Variants in AP5Z1 observed in about 807,000 individuals in gnomAD.
AP5Z1 encodes the protein adaptor related protein complex 5 subunit zeta 1, also known as AP-5 complex subunit zeta-1.
A neutral mutation model predicts 83.0 loss-of-function variants in AP5Z1; 106 were observed. That is an observed-to-expected ratio of 1.28 (90% CI 1.09 to 1.50). The LOEUF is 1.50. Ranked by LOEUF, AP5Z1 falls within the 40% of genes most tolerant of loss-of-function variation. The probability of loss-of-function intolerance (pLI) is 0.00; values close to 1 mark genes in which losing one functional copy is unlikely to be tolerated. For synonymous variants in AP5Z1, 751 were observed against 514.1 expected, an observed-to-expected ratio of 1.46 and a Z score of -6.23; for missense variants, 1,565 against 1,094.2, an observed-to-expected ratio of 1.43 and a Z score of -6.07.
At chr7:4,783,528 G>T in intron 4 of AP5Z1, 68 bp downstream of exon 4, 4 of 1,585,598 alleles carry the variant, frequency 2.5e-6, no homozygotes, top group Non-Finnish European at 3.4e-6. Flanking sequence ...GAGGGCCCAT[G>T]GTGGGTTGGG....
chr7:4,785,019 G>T lies in AP5Z1; in HGVS notation c.902G>T (p.Cys301Phe), dbSNP rs1390205942. ...CTTCGGGAGGTGGCCTTCGAGTACT[G>T]CCAGCGCCTCATTGAGCAAAGTAAC... Reference protein sequence around the residue: ...ERLREVAFEYCQRLIEQSNRR... With the variant: ...ERLREVAFEYFQRLIEQSNRR... The change falls in exon 7 of 17, where the codon TGC becomes TTC. Residue 301 changes from cysteine (C) to phenylalanine (F), a missense_variant. Cys to Phe is a radical substitution (Grantham distance 205). Coordinates refer to ENST00000649063, the MANE Select transcript of AP5Z1 (RefSeq NM_014855.3). The T allele has an allele frequency of 6.2e-7, 1 of 1,608,862 alleles. No individual in the cohort carries two copies. The highest frequency in any genetic ancestry group is 1.1e-5 in the South Asian group (1 of 90,834).
intron 3 of AP5Z1, 66 bp from the exon 4 acceptor site, chr7:4,783,249 TC>T: frequency 6.7e-7 from 1 of 1,493,940 alleles, no homozygotes; most frequent in Non-Finnish European, 9.0e-7. Context: ...CACACAGACT[TC>T]CGAAATGGGG....
At position 4,788,967 on chromosome 7, in the gene AP5Z1, G is replaced by A. The variant is rs1447307746; in HGVS notation, c.1707+16G>A. ...AGTGACCCAGGTGAGCTCGCTGCCTGGGGCCCCCCATTCCCACAGGCCTCA... is the reference window on the plus strand; with the variant it reads ...AGTGACCCAGGTGAGCTCGCTGCCTAGGGCCCCCCATTCCCACAGGCCTCA... On this transcript the variant is annotated intron_variant, in intron 13 of 16. Transcript: ENST00000649063. 5.6e-6 allele frequency: 9 copies of A among 1,603,780 alleles called. No individual in the cohort carries two copies. The highest frequency in any genetic ancestry group is 2.7e-5 in the African/African-American group (2 of 74,720).
Position 4,783,400 on chromosome 7 carries a change from A to G in AP5Z1, c.451A>G (p.Arg151Gly). ...CCGGCAGCCTGAGGGACCCAGCCTC[A>G]GACACCTCCTCCCCGTCATGGCCAA... ...ESRQPEGPSL[R>G]HLLPVMAKVV... Residue 151 changes from arginine to glycine, a missense_variant, in exon 4 of 17, where the codon AGA becomes GGA. By Grantham distance (125) the Arg-to-Gly change is moderately radical (BLOSUM62 -2). Coordinates refer to ENST00000649063, the MANE Select transcript of AP5Z1 (RefSeq NM_014855.3). 6.2e-7 allele frequency: 1 copy of G among 1,613,212 alleles called. No homozygotes were observed. The highest frequency in any genetic ancestry group is 1.7e-5 in the Admixed American group (1 of 60,012).
Position 4,781,263 on chromosome 7 carries a change from TC to T in AP5Z1, c.133del (p.Leu45CysfsTer22). 6.2e-7 allele frequency: 1 copy of T among 1,613,760 alleles called. No individual in the cohort carries two copies. The highest frequency in any genetic ancestry group is 8.5e-7 in the Non-Finnish European group (1 of 1,179,784). On this transcript the variant is annotated frameshift_variant, in exon 2 of 17. Transcript: ENST00000649063. LOFTEE classifies it high-confidence loss of function. ...AEDLGPDTLDSLQRLFLIISA... is the reference protein window; with the variant it reads ...AEDLGPDTLDXLQRLFLIISA... ...GGACTTGGGGCCGGACACCCTCGACTCCCTGCAGAGGCTCTTCCTCATCATC... is the reference window on the plus strand; with the variant it reads ...GGACTTGGGGCCGGACACCCTCGACTCCTGCAGAGGCTCTTCCTCATCATC...
chr7:4,792,230 T>TGCCTGGGACGGGCTCAGCC lies in AP5Z1; in HGVS notation c.*849_*867dup, dbSNP rs1781801533. 6.6e-6 allele frequency: 1 copy of TGCCTGGGACGGGCTCAGCC among 152,122 alleles called. No individual in the cohort carries two copies. Among genetic ancestry groups the TGCCTGGGACGGGCTCAGCC allele is most frequent in the Non-Finnish European group, 1.5e-5 (1 of 68,060 alleles). 9.4% of individuals were successfully genotyped at this position (152,122 alleles called of 1,614,324 possible). A position where few individuals can be genotyped will look rare whatever the true frequency, so the allele number is the denominator to read the frequency against. Reference sequence around the variant, plus strand: ...CAGCTGTGTCGCACGTTCCGCCCGGTGCCTGGGACGGGCTCAGCCGCCAGG... The same window carrying TGCCTGGGACGGGCTCAGCC: ...CAGCTGTGTCGCACGTTCCGCCCGGTGCCTGGGACGGGCTCAGCCGCCTGGGACGGGCTCAGCCGCCAGG... On this transcript the variant is annotated 3_prime_UTR_variant, in exon 17 of 17. Coordinates refer to ENST00000649063, the MANE Select transcript of AP5Z1 (RefSeq NM_014855.3).
intron 3 of AP5Z1, among the ~76,000 whole-genome samples, chr7:4,782,247 G>C (rs1336014299): frequency 6.6e-6 from 1 of 151,988 alleles, no homozygotes; most frequent in Non-Finnish European, 1.5e-5. Flanking sequence ...AGGGACCTGG[G>C]GTCTCACTAT....
chr7:4,789,581 C>T (rs909394058), intron 13 of AP5Z1, among the ~76,000 whole-genome samples: 1 of 152,190 alleles, frequency 6.6e-6, no homozygotes, highest in Non-Finnish European at 1.5e-5. Context: ...CCTTGCAGAG[C>T]GGGAGTTGGC....
rs1781826340 is a variant in AP5Z1, at chr7:4,792,778, A to G, written c.*1393A>G. The G allele has an allele frequency of 2.0e-5, 3 of 152,228 alleles. No homozygotes were observed. Among genetic ancestry groups the G allele is most frequent in the South Asian group, 2.1e-4 (1 of 4,834 alleles). The allele number at this position is 152,228 out of a possible 1,614,324, so 9.4% of individuals were successfully genotyped here. A position where few individuals can be genotyped will look rare whatever the true frequency, so the allele number is the denominator to read the frequency against. ...CGTGGAAACAGCAGCGCACGTGTAC[A>G]ACTGTGCATACCAAGGCGTGCGTGC... On this transcript the variant is annotated 3_prime_UTR_variant, in exon 17 of 17. Transcript: ENST00000649063.
rs1250912381 is a variant in AP5Z1 at position 4,793,239 on chromosome 7, A to G, written c.*1854A>G. ...CAGGAGGCAGCTGGGAAAAGGGCAA[A>G]GCTCACCAGCTCTCAACTTTTTTTT... On this transcript the variant is annotated 3_prime_UTR_variant, in exon 17 of 17. Transcript: ENST00000649063. 6.6e-6 allele frequency: 1 copy of G among 152,314 alleles called. No individual in the cohort carries two copies. The highest frequency in any genetic ancestry group is 1.5e-5 in the Non-Finnish European group (1 of 68,064). The allele number at this position is 152,314 out of a possible 1,614,324, so 9.4% of individuals were successfully genotyped here. A position where few individuals can be genotyped will look rare whatever the true frequency, so the allele number is the denominator to read the frequency against.
In AP5Z1 at chr7:4,788,323, C is replaced by A. The variant is rs150510697; in HGVS notation, c.1595+29C>A. On this transcript the variant is annotated intron_variant, in intron 12 of 16. Transcript: ENST00000649063. ...CGGGGCCCTAGGGCCAGGGGGCCAC[C>A]AGTGGCTCAGAGAGCCCGGCCACAG... is the stretch of plus-strand genomic sequence containing the variant. The A allele has an allele frequency of 0.021, 31,905 of 1,548,276 alleles. 429 individuals carry two copies. Among genetic ancestry groups the A allele is most frequent in the Middle Eastern group, 0.048 (210 of 4,380 alleles).
chr7:4,780,788 T>TGTTTC (rs1781360862), intron 1 of AP5Z1, among the ~76,000 whole-genome samples: 1 of 152,148 alleles, frequency 6.6e-6, no homozygotes, highest in African/African-American at 2.4e-5. Context: ...AATTTATTCT[T>TGTTTC]GTTTCCATAA....
rs896287833 is a variant in AP5Z1 at position 4,792,688 on chromosome 7, C to T, written c.*1303C>T. On this transcript the variant is annotated 3_prime_UTR_variant, in exon 17 of 17. Coordinates refer to ENST00000649063, the MANE Select transcript of AP5Z1 (RefSeq NM_014855.3). ...CGATGACAGCCCAGGGCCGCTGAGC[C>T]GGGGCCGCAGGAAAGGCTGGCGCTG... The T allele has an allele frequency of 2.6e-5, 4 of 152,246 alleles. No homozygotes were observed. The highest frequency in any genetic ancestry group is 4.8e-5 in the African/African-American group (2 of 41,462). 9.4% of individuals were successfully genotyped at this position (152,246 alleles called of 1,614,324 possible). A position where few individuals can be genotyped will look rare whatever the true frequency, so the allele number is the denominator to read the frequency against.
At chr7:4,777,328 C>T (rs568436659) in intron 1 of AP5Z1, among the ~76,000 whole-genome samples, 1 of 151,960 alleles carries the variant, frequency 6.6e-6, no homozygotes, top group African/African-American at 2.4e-5. Flanking sequence ...AAACTTGTGA[C>T]ATGAAAAACA....
intron 13 of AP5Z1, 112 bp downstream of exon 13, chr7:4,789,063 AC>A: frequency 2.2e-6 from 2 of 909,916 alleles, no homozygotes; most frequent in Non-Finnish European, 1.7e-6. Context: ...CTCCCGCCAC[AC>A]CCACCATCCA....
intron 1 of AP5Z1, among the ~76,000 whole-genome samples, chr7:4,778,978 C>T (rs1358988277): frequency 6.8e-6 from 1 of 146,532 alleles, no homozygotes; most frequent in Admixed American, 6.9e-5. Flanking sequence ...CTGCAGTGAG[C>T]TGAGATTATG....
chr7:4,789,058 G>A (rs1240583205), intron 13 of AP5Z1, 107 bp downstream of exon 13: 31 of 951,764 alleles, frequency 3.3e-5, no homozygotes, highest in Middle Eastern at 2.6e-4. Flanking sequence ...GGCTGCTCCC[G>A]CCACACCCAC....
In AP5Z1 at chr7:4,789,842, G is replaced by C. The variant is rs1224049116; in HGVS notation, c.1718G>C (p.Gly573Ala). ...ACTCCTGACCCCCAGGTGGCTGACGGGTCCCTGATCAACCAGCTGGCGCTG... is the reference window on the plus strand; with the variant it reads ...ACTCCTGACCCCCAGGTGGCTGACGCGTCCCTGATCAACCAGCTGGCGCTG... The part of the protein sequence containing the change: ...FFSAVTQVAD[G>A]SLINQLALLL... The change falls in exon 14 of 17, where the codon GGG (glycine) becomes GCG (alanine). Residue 573 changes from glycine to alanine, a missense_variant. Coordinates refer to ENST00000649063, the MANE Select transcript of AP5Z1 (RefSeq NM_014855.3). 1 of 1,552,006 alleles carries C rather than the reference G, an allele frequency of 6.4e-7. No individual in the cohort carries two copies. The highest frequency in any genetic ancestry group is 1.4e-5 in the African/African-American group (1 of 73,220).
Position 4,788,144 on chromosome 7 carries a change from G to A in AP5Z1, c.1455-10G>A. The A allele has an allele frequency of 2.0e-6, 3 of 1,535,842 alleles. No homozygotes were observed. Among genetic ancestry groups the A allele is most frequent in the Non-Finnish European group, 2.6e-6 (3 of 1,138,518 alleles). On this transcript the variant is annotated splice_polypyrimidine_tract_variant and intron_variant, in intron 11 of 16. Coordinates refer to ENST00000649063, the MANE Select transcript of AP5Z1 (RefSeq NM_014855.3). Reference sequence around the variant, plus strand: ...CATCCCAGCCTGGCCTTGGGCGTCTGTCCACGCAGGTCAGCACCGGCTGCA... The same window carrying A: ...CATCCCAGCCTGGCCTTGGGCGTCTATCCACGCAGGTCAGCACCGGCTGCA...
Sources: gnomAD v4.1 joint callset for allele counts (sites outside exome capture counted in the v4.1 genomes callset) on GRCh38, gnomAD v4.1.1 for gene constraint, MANE v1.5 for transcripts, NCBI Gene and HGNC (gene_info 2026-07-23, HGNC 2026-07-21) for gene names.